LTBP2: variants seen among roughly 807,000 people sequenced by gnomAD.
LTBP2 encodes latent transforming growth factor beta binding protein 2.
Under a neutral mutation model 210.6 loss-of-function variants are expected in LTBP2, and 103 were observed. The observed-to-expected ratio is 0.49, with a 90% CI of 0.42 to 0.58. The LOEUF (loss-of-function observed/expected upper bound fraction) is 0.58, where lower values mean the gene tolerates loss of function less well. Among genes scored for constraint, LTBP2 ranks in the 20% least tolerant of loss-of-function variants. The pLI is 0.00. For synonymous variants in LTBP2, 1,007 were observed against 1,015.0 expected (o/e 0.99, Z 0.15); for missense variants, 2,313 against 2,494.5 (o/e 0.93, Z 1.55).
At chr14:74,596,226 A>AAAAT (rs529095086) in intron 2 of LTBP2, among the ~76,000 whole-genome samples, 8,808 of 122,030 alleles carry the variant, frequency 0.072, 322 homozygotes, top group East Asian at 0.086. Flanking sequence ...TGCTGTTTCA[A>AAAAT]AAATAAATAA....
chr14:74,515,252 A>AT (rs575476350), intron 18 of LTBP2, among the ~76,000 whole-genome samples: 3,089 of 125,382 alleles, frequency 0.025, 142 homozygotes, highest in African/African-American at 0.085. Context: ...TATAAATCTG[A>AT]TTTTTTTTTT....
chr14:74,513,540 C>T (rs958669130), intron 18 of LTBP2, among the ~76,000 whole-genome samples: 9 of 152,202 alleles, frequency 5.9e-5, no homozygotes, highest in Admixed American at 1.3e-4. Context: ...TGGTGACTCG[C>T]GCCTGTAATC....
At chr14:74,589,375 G>A (rs1376935173) in intron 2 of LTBP2, among the ~76,000 whole-genome samples, 1 of 152,196 alleles carries the variant, frequency 6.6e-6, no homozygotes, top group African/African-American at 2.4e-5. Flanking sequence ...CACAAAGGAT[G>A]AATAAATTGG....
intron 30 of LTBP2, among the ~76,000 whole-genome samples, chr14:74,504,525 A>G (rs1341325979): frequency 1.3e-5 from 2 of 152,208 alleles, no homozygotes; most frequent in Non-Finnish European, 2.9e-5. Context: ...TAGTCAAGGC[A>G]TCATAGTTTG....
At chr14:74,501,666 C>T in intron 34 of LTBP2, 76 bp from the exon 35 acceptor site, 4 of 1,592,368 alleles carry the variant, frequency 2.5e-6, no homozygotes, top group South Asian at 1.1e-5. Context: ...GACCCTCGCC[C>T]TTCTGGACAA....
intron 8 of LTBP2, among the ~76,000 whole-genome samples, chr14:74,541,234 T>C (rs1409462380): frequency 6.6e-6 from 1 of 152,036 alleles, no homozygotes; most frequent in Non-Finnish European, 1.5e-5. Context: ...AAGCATAAGC[T>C]ACGTGAGGAC....
rs1166534035 is a variant in LTBP2, at chr14:74,611,582, G to A, written c.363C>T (p.Thr121=). The change falls in exon 1 of 36, where the codon ACC becomes ACT. Residue 121 remains threonine (T), a synonymous_variant. Transcript: ENST00000261978. ...GCTGGCCCAGGGGAGTGCTTCTCCG[G>A]GTCTGCGCAGGTGGCTGGACACGCC... is the stretch of plus-strand genomic sequence containing the variant. ...QSRRVQPPAQ[T]RRSTPLGQQQ... is the part of the protein sequence containing the mutation. 5.1e-6 allele frequency: 8 copies of A among 1,576,066 alleles called. No homozygotes were observed. In the Admixed American group the frequency reaches 5.3e-5, roughly 10 times the overall value.
intron 17 of LTBP2, among the ~76,000 whole-genome samples, chr14:74,520,887 C>T (rs1465836401): frequency 6.6e-6 from 1 of 152,234 alleles, no homozygotes; most frequent in Non-Finnish European, 1.5e-5. Context: ...TCATACAGAA[C>T]AACTTGCTCC....
At chr14:74,506,559 C>T (rs2086987696) in intron 27 of LTBP2, 139 bp downstream of exon 27, 1 of 1,384,506 alleles carries the variant, frequency 7.2e-7, no homozygotes, top group Non-Finnish European at 1.0e-6. Flanking sequence ...GAGTTGAAGT[C>T]TCCCTCTTCT....
chr14:74,552,139 C>A lies in LTBP2; in HGVS notation c.1399+48G>T, dbSNP rs187217371. The A allele has an allele frequency of 5.8e-4, 888 of 1,534,170 alleles. 6 individuals carry two copies. In the African/African-American group the frequency reaches 0.011, roughly 19 times the overall value. ...AGCCATGGTGACAGCCTCCACCCAA[C>A]TGGCACTCCTCCCAGGGTCCCGCCG... On this transcript the variant is annotated intron_variant, in intron 6 of 35. Coordinates refer to ENST00000261978, the MANE Select transcript of LTBP2 (RefSeq NM_000428.3).
At chr14:74,555,464 G>A (rs2087716238) in intron 4 of LTBP2, 39 bp downstream of exon 4, 3 of 1,599,762 alleles carry the variant, frequency 1.9e-6, no homozygotes, top group Admixed American at 1.7e-5. Context: ...GAGTTCTAGA[G>A]GCCCTGCTCT....
In LTBP2 at chr14:74,611,601, A is replaced by T; in HGVS notation, c.344T>A (p.Val115Asp). The T allele has an allele frequency of 2.6e-6, 4 of 1,566,098 alleles. No individual in the cohort carries two copies. Among genetic ancestry groups the T allele is most frequent in the Non-Finnish European group, 3.4e-6 (4 of 1,162,372 alleles). ...RPSRAQQSRR[V>D]QPPAQTRRST... ...TCTCCGGGTCTGCGCAGGTGGCTGG[A>T]CACGCCGCGACTGCTGCGCGCGGGA... The change falls in exon 1 of 36, where the codon GTC (valine) becomes GAC (aspartate). Residue 115 changes from valine to aspartate, a missense_variant. Val to Asp is a radical substitution (Grantham distance 152). Coordinates refer to ENST00000261978, the MANE Select transcript of LTBP2 (RefSeq NM_000428.3).
rs773705689 is a variant in LTBP2, at chr14:74,501,468, G to A, written c.5293C>T (p.Leu1765=). 18 of 1,614,040 alleles carry A rather than the reference G, an allele frequency of 1.1e-5. No homozygotes were observed. Among genetic ancestry groups the A allele is most frequent in the Non-Finnish European group, 1.5e-5 (18 of 1,180,026 alleles). The change falls in exon 35 of 36, where the codon CTG becomes TTG. Residue 1765 remains leucine, a synonymous_variant. Transcript: ENST00000261978. The part of the protein sequence containing the change: ...YTCDCFEGFQ[L]DAAHMACVDV... ...ACGCAGGCCATGTGGGCCGCATCCA[G>A]CTGGAAGCCCTCAAAACAGTCACAG...
In LTBP2 at chr14:74,552,891, C is replaced by T; in HGVS notation, c.1192+1G>A. 1.2e-6 allele frequency: 2 copies of T among 1,611,958 alleles called. No homozygotes were observed. The highest frequency in any genetic ancestry group is 1.7e-6 in the Non-Finnish European group (2 of 1,179,202). The stretch of plus-strand genomic sequence containing the variant: ...ACCATCTGAGCAGGAAAGGGACTCA[C>T]AGATGCGGAAGCCAGACTTGGGATC... On this transcript the variant is annotated splice_donor_variant, in intron 5 of 35. Coordinates refer to ENST00000261978, the MANE Select transcript of LTBP2 (RefSeq NM_000428.3). LOFTEE classifies it high-confidence loss of function.
At chr14:74,555,341 CG>C (rs1241255851) in intron 4 of LTBP2, among the ~76,000 whole-genome samples, 161 bp downstream of exon 4, 1 of 152,030 alleles carries the variant, frequency 6.6e-6, no homozygotes, top group Non-Finnish European at 1.5e-5. Context: ...CCCTGGACCC[CG>C]GCACAAAGCA....
At chr14:74,536,231 G>C (rs945503433) in intron 8 of LTBP2, among the ~76,000 whole-genome samples, 26 of 152,172 alleles carry the variant, frequency 1.7e-4, no homozygotes, top group Non-Finnish European at 4.4e-5. Context: ...GGCACAGAAA[G>C]ACAAATATCA....
intron 3 of LTBP2, among the ~76,000 whole-genome samples, chr14:74,571,672 G>A (rs905232167): frequency 1.6e-4 from 24 of 152,216 alleles, no homozygotes; most frequent in African/African-American, 5.5e-4. Flanking sequence ...CTGGAAGGGC[G>A]TGGCCTGGCT....
chr14:74,542,186 G>A lies in LTBP2; in HGVS notation c.1790-6186C>T, dbSNP rs374287535. On this transcript the variant is annotated intron_variant, in intron 8 of 35. Coordinates refer to ENST00000261978, the MANE Select transcript of LTBP2 (RefSeq NM_000428.3). ...AGATGTGGGGAACCTTCCTGGTAAGGACATCGGGACATATGGTCTTCTGAT... is the reference window on the plus strand; with the variant it reads ...AGATGTGGGGAACCTTCCTGGTAAGAACATCGGGACATATGGTCTTCTGAT... Among the ~76,000 whole-genome samples, 8 of 152,186 alleles carry A rather than the reference G, an allele frequency of 5.3e-5. No individual in the cohort carries two copies. The East Asian group carries it at 1.5e-3, about 29-fold the overall frequency.
Position 74,551,056 on chromosome 14 carries a change from G to A in LTBP2, c.1686+8C>T, listed in dbSNP as rs563097395. ...CATCCAGGGCTGAGGCCAGAGCTGT[G>A]TTCTCACCTGTCCGTTCACAGTGTT... On this transcript the variant is annotated splice_region_variant and intron_variant, in intron 7 of 35. Coordinates refer to ENST00000261978, the MANE Select transcript of LTBP2 (RefSeq NM_000428.3). 2 of 1,613,650 alleles carry A rather than the reference G, an allele frequency of 1.2e-6. No individual in the cohort carries two copies. Among genetic ancestry groups the A allele is most frequent in the East Asian group, 2.2e-5 (1 of 44,886 alleles).
Sources: allele counts gnomAD v4.1 joint callset (sites outside exome capture counted in the v4.1 genomes callset), GRCh38; gene constraint gnomAD v4.1.1; transcripts MANE v1.5; gene names NCBI Gene and HGNC (gene_info 2026-07-23, HGNC 2026-07-21).